Variants in OR5B2 observed in about 807,000 individuals in gnomAD.
The protein encoded by OR5B2 is olfactory receptor 5B2.
For missense variants in OR5B2, 411 were observed against 367.0 expected, an observed-to-expected ratio of 1.12 and a Z score of -0.98; for synonymous variants, 163 against 140.8, an observed-to-expected ratio of 1.16 and a Z score of -1.11.
rs749118074 is a variant in OR5B2, at chr11:58,422,609, A to C, written c.653T>G (p.Phe218Cys). ...CATCTTCAAGATGGTGATGAATATGAACAAGTAGGAGATAAAGATAACTAG... is the reference window on the plus strand; with the variant it reads ...CATCTTCAAGATGGTGATGAATATGCACAAGTAGGAGATAAAGATAACTAG... ...VLLVIFISYLFIFITILKMHS... is the reference protein window; with the variant it reads ...VLLVIFISYLCIFITILKMHS... The change falls in exon 3 of 3, where the codon TTC (phenylalanine) becomes TGC (cysteine). Residue 218 changes from phenylalanine to cysteine, a missense_variant. Coordinates refer to ENST00000641342, the MANE Select transcript of OR5B2 (RefSeq NM_001005566.3). 1 of 1,613,754 alleles carries C rather than the reference A, an allele frequency of 6.2e-7. No homozygotes were observed. Among genetic ancestry groups the C allele is most frequent in the Non-Finnish European group, 8.5e-7 (1 of 1,179,822 alleles).
Position 58,423,131 on chromosome 11 carries a change from A to C in OR5B2, c.131T>G (p.Met44Arg). Residue 44 changes from methionine to arginine, a missense_variant, in exon 3 of 3, where the codon ATG (methionine) becomes AGG (arginine). Transcript: ENST00000641342. ...LLTLCGNLGM[M>R]LLILMDSCLH... Reference sequence around the variant, plus strand: ...ACAAGAGTCCATCAGGATCAGCAACATCATCCCCAGGTTCCCACACAGAGT... The same window carrying C: ...ACAAGAGTCCATCAGGATCAGCAACCTCATCCCCAGGTTCCCACACAGAGT... The C allele has an allele frequency of 6.2e-7, 1 of 1,613,740 alleles. No individual in the cohort carries two copies. Among genetic ancestry groups the C allele is most frequent in the Non-Finnish European group, 8.5e-7 (1 of 1,179,780 alleles).
Position 58,421,340 on chromosome 11 carries a change from A to G in OR5B2, c.*992T>C, listed in dbSNP as rs1373599415. On this transcript the variant is annotated 3_prime_UTR_variant, in exon 3 of 3. Coordinates refer to ENST00000641342, the MANE Select transcript of OR5B2 (RefSeq NM_001005566.3). ...GTGTGATACCACTTGACAATAGACA[A>G]TATTCAGTGCTAAAATGAAATGAGC... 2 of 152,142 alleles carry G rather than the reference A, an allele frequency of 1.3e-5. No individual in the cohort carries two copies. Among genetic ancestry groups the G allele is most frequent in the African/African-American group, 2.4e-5 (1 of 41,456 alleles). 9.4% of individuals were successfully genotyped at this position (152,142 alleles called of 1,614,324 possible).
rs752571805 is a variant in OR5B2 at position 58,422,381 on chromosome 11, T to C, written c.881A>G (p.Glu294Gly). 6.2e-7 allele frequency: 1 copy of C among 1,613,518 alleles called. No homozygotes were observed. The highest frequency in any genetic ancestry group is 8.5e-7 in the Non-Finnish European group (1 of 1,179,692). ...CACTTTCTTGAATGCATTCTGGACT[T>C]CTCTGTTCCTCAGGCTGTAGACCAC... ...NPVVYSLRNR[E>G]VQNAFKKVLR... Residue 294 changes from glutamate (E) to glycine (G), a missense_variant, in exon 3 of 3, where the codon GAA becomes GGA. Coordinates refer to ENST00000641342, the MANE Select transcript of OR5B2 (RefSeq NM_001005566.3).
rs570652408 is a variant in OR5B2, at chr11:58,425,560, C to T, written c.-29+1062G>A. Among the ~76,000 whole-genome samples, 5 of 151,696 alleles carry T rather than the reference C, an allele frequency of 3.3e-5. No homozygotes were observed. The South Asian group carries it at 1.0e-3, about 32-fold the overall frequency. On this transcript the variant is annotated intron_variant, in intron 2 of 2. Coordinates refer to ENST00000641342, the MANE Select transcript of OR5B2 (RefSeq NM_001005566.3). ...TTGGAAATTCGGTCATGAAATAATG[C>T]ATAAATAACATTAGAAAAAAAATAT...
In OR5B2 at chr11:58,422,810, A is replaced by G; in HGVS notation, c.452T>C (p.Phe151Ser). The change falls in exon 3 of 3, where the codon TTC becomes TCC. Residue 151 changes from phenylalanine (F) to serine (S), a missense_variant. Physicochemically the swap from Phe to Ser is radical, Grantham distance 155. Transcript: ENST00000641342. ...CLALGSYVCG[F>S]LNASFHIGGI... ...CCCAATGTGGAATGAGGCATTTAGG[A>G]AGCCACAGACATATGAGCCTAGGGC... The G allele has an allele frequency of 1.2e-6, 2 of 1,613,794 alleles. No individual in the cohort carries two copies. Among genetic ancestry groups the G allele is most frequent in the Non-Finnish European group, 8.5e-7 (1 of 1,179,870 alleles).
Position 58,422,173 on chromosome 11 carries a change from AT to A in OR5B2, c.*158del. 2.0e-6 allele frequency: 1 copy of A among 502,054 alleles called. No homozygotes were observed. The highest frequency in any genetic ancestry group is 3.5e-6 in the Non-Finnish European group (1 of 284,782). 31.1% of individuals were successfully genotyped at this position (502,054 alleles called of 1,614,324 possible). A position where few individuals can be genotyped will look rare whatever the true frequency, so the allele number is the denominator to read the frequency against. ...ATTCAGGTATTACATTTCTGATAAT[AT>A]TTTATTTTTATTAAAAAATTGACTT... On this transcript the variant is annotated 3_prime_UTR_variant, in exon 3 of 3. Coordinates refer to ENST00000641342, the MANE Select transcript of OR5B2 (RefSeq NM_001005566.3).
chr11:58,425,372 AT>A (rs1453381598), intron 2 of OR5B2, among the ~76,000 whole-genome samples: 3 of 152,088 alleles, frequency 2.0e-5, no homozygotes, highest in African/African-American at 4.8e-5. Flanking sequence ...TAGAAAAAAA[AT>A]ATTTAAAGCA....
At chr11:58,424,975 A>G (rs1023972350) in intron 2 of OR5B2, among the ~76,000 whole-genome samples, 3 of 152,152 alleles carry the variant, frequency 2.0e-5, no homozygotes, top group African/African-American at 7.2e-5. Flanking sequence ...TTATACAACT[A>G]GTATGGAGAA....
rs1364561180 is a variant in OR5B2 at position 58,422,952 on chromosome 11, C to A, written c.310G>T (p.Ala104Ser). Reference sequence around the variant, plus strand: ...AAGTAATTTTCCACCGTGGCCAAGGCTACAAAGAAGAACATCTGAACAGCA... The same window carrying A: ...AAGTAATTTTCCACCGTGGCCAAGGATACAAAGAAGAACATCTGAACAGCA... ...ACAVQMFFFVALATVENYLLA... is the reference protein window; with the variant it reads ...ACAVQMFFFVSLATVENYLLA... The change falls in exon 3 of 3, where the codon GCC becomes TCC. Residue 104 changes from alanine to serine, a missense_variant. By Grantham distance (99) the Ala-to-Ser change is moderately conservative. Coordinates refer to ENST00000641342, the MANE Select transcript of OR5B2 (RefSeq NM_001005566.3). The A allele has an allele frequency of 6.2e-7, 1 of 1,613,700 alleles. No individual in the cohort carries two copies. Among genetic ancestry groups the A allele is most frequent in the East Asian group, 2.2e-5 (1 of 44,868 alleles).
At chr11:58,424,904 G>A (rs770412127) in intron 2 of OR5B2, among the ~76,000 whole-genome samples, 24 of 152,024 alleles carry the variant, frequency 1.6e-4, no homozygotes, top group Non-Finnish European at 3.2e-4. Flanking sequence ...AAGTATTATT[G>A]TTATTACTAT....
Sources: allele counts gnomAD v4.1 joint callset (sites outside exome capture counted in the v4.1 genomes callset), GRCh38; gene constraint gnomAD v4.1.1; transcripts MANE v1.5; gene names NCBI Gene and HGNC (gene_info 2026-07-23, HGNC 2026-07-21).